The following DACH1 variants were observed in gnomAD, a reference collection of about 807,000 sequenced individuals.
The protein encoded by DACH1 is dachshund family transcription factor 1.
A neutral mutation model predicts 54.2 loss-of-function variants in DACH1; 12 were observed. The ratio of observed to expected loss-of-function variants is 0.22; its 90% CI spans 0.14 to 0.36. The LOEUF is 0.36. Ranked by LOEUF, DACH1 falls within the 10% of genes least tolerant of loss-of-function variation. The pLI, the probability that DACH1 is intolerant of heterozygous loss-of-function variation, is 1.00. For missense variants in DACH1, 805 were observed against 929.8 expected, an observed-to-expected ratio of 0.87 and a Z score of 1.75; for synonymous variants, 386 against 366.2, an observed-to-expected ratio of 1.05 and a Z score of -0.62.
At chr13:71,657,028 A>C (rs2138640990) in intron 2 of DACH1, among the ~76,000 whole-genome samples, 1 of 148,450 alleles carries the variant, frequency 6.7e-6, no homozygotes, top group South Asian at 2.1e-4. Context: ...ACACACACAT[A>C]TATATACATA....
At chr13:71,671,417 G>A (rs1361866553) in intron 2 of DACH1, among the ~76,000 whole-genome samples, 1 of 151,946 alleles carries the variant, frequency 6.6e-6, no homozygotes, top group Non-Finnish European at 1.5e-5. Flanking sequence ...CATCTCAAAA[G>A]TAATTTTAAG....
intron 1 of DACH1, among the ~76,000 whole-genome samples, chr13:71,743,444 A>C (rs534652294): frequency 6.6e-6 from 1 of 152,338 alleles, no homozygotes; most frequent in Admixed American, 6.5e-5. Flanking sequence ...ATTATTAAAG[A>C]CAAGGAGCCA....
intron 2 of DACH1, among the ~76,000 whole-genome samples, chr13:71,642,189 G>A (rs1276939304): frequency 1.3e-5 from 2 of 151,980 alleles, no homozygotes; most frequent in African/African-American, 2.4e-5. Context: ...AATTTATACC[G>A]TACCATGAGA....
At chr13:71,551,614 A>G in intron 6 of DACH1, among the ~76,000 whole-genome samples, 1 of 152,156 alleles carries the variant, frequency 6.6e-6, no homozygotes, top group East Asian at 1.9e-4. Context: ...ATGTTGCTGC[A>G]TTTTTGAAGA....
rs535654742 is a variant in DACH1, at chr13:71,551,342, T to C, written c.1570+5682A>G. ...TTGAAATTATCCTCTTCTAGGTATT[T>C]TGAAATATACAATAGATTGCTGTAA... is the stretch of plus-strand genomic sequence containing the variant. On this transcript the variant is annotated intron_variant, in intron 6 of 10. Transcript: ENST00000613252. 3.3e-5 allele frequency among the ~76,000 whole-genome samples: 5 copies of C among 152,254 alleles called. No homozygotes were observed. In the East Asian group the frequency reaches 9.7e-4, roughly 29 times the overall value.
intron 2 of DACH1, among the ~76,000 whole-genome samples, chr13:71,653,133 A>C (rs1211045409): frequency 6.6e-6 from 1 of 152,206 alleles, no homozygotes; most frequent in Non-Finnish European, 1.5e-5. Context: ...AATGCAGTTC[A>C]ACTTAATTTC....
chr13:71,766,269 T>C (rs1885625067), intron 1 of DACH1, among the ~76,000 whole-genome samples: 2 of 152,186 alleles, frequency 1.3e-5, no homozygotes, highest in African/African-American at 4.8e-5. Flanking sequence ...TCTCTTCAGG[T>C]TGTCACCTGT....
chr13:71,544,953 C>T (rs1381787068), intron 6 of DACH1, among the ~76,000 whole-genome samples: 1 of 152,016 alleles, frequency 6.6e-6, no homozygotes, highest in South Asian at 2.1e-4. Context: ...CTGGCTTCTA[C>T]TAAGCCCTAG....
chr13:71,826,181 C>T (rs1026419733), intron 1 of DACH1, among the ~76,000 whole-genome samples: 1 of 152,056 alleles, frequency 6.6e-6, no homozygotes, highest in Non-Finnish European at 1.5e-5. Flanking sequence ...CAAAATAAAA[C>T]ATATTTGCCA....
intron 1 of DACH1, among the ~76,000 whole-genome samples, chr13:71,757,321 G>C (rs1885206916): frequency 6.6e-6 from 1 of 152,044 alleles, no homozygotes; most frequent in Non-Finnish European, 1.5e-5. Flanking sequence ...GAAATAACTT[G>C]ATTTTTTTAA....
chr13:71,586,245 G>A (rs1016666157), intron 3 of DACH1, among the ~76,000 whole-genome samples: 1 of 152,130 alleles, frequency 6.6e-6, no homozygotes, highest in Non-Finnish European at 1.5e-5. Context: ...GGTAGATTCA[G>A]GTTAACAGAT....
intron 1 of DACH1, among the ~76,000 whole-genome samples, chr13:71,860,235 C>T (rs1392574606): frequency 6.6e-6 from 1 of 151,362 alleles, no homozygotes. Context: ...CACACACACA[C>T]ACACATGCAT....
intron 2 of DACH1, chr13:71,675,066 G>A (rs1256645484): frequency 4.1e-6 from 6 of 1,462,782 alleles, no homozygotes; most frequent in Non-Finnish European, 5.8e-6. Context: ...TCTGTACCAC[G>A]GCTCGTACAA....
At chr13:71,487,166 A>G (rs1878604393) in intron 7 of DACH1, among the ~76,000 whole-genome samples, 1 of 152,086 alleles carries the variant, frequency 6.6e-6, no homozygotes, top group Admixed American at 6.6e-5. Flanking sequence ...TTTATTTTTA[A>G]TAAAGCATTC....
intron 1 of DACH1, among the ~76,000 whole-genome samples, chr13:71,754,697 T>C (rs974441230): frequency 3.3e-5 from 5 of 151,554 alleles, no homozygotes; most frequent in African/African-American, 1.2e-4. Context: ...AATATTCCAT[T>C]AAAGATAAAT....
intron 3 of DACH1, among the ~76,000 whole-genome samples, chr13:71,608,935 C>T (rs1028083426): frequency 2.6e-5 from 4 of 151,970 alleles, no homozygotes; most frequent in African/African-American, 9.7e-5. Flanking sequence ...CATGGCATAA[C>T]TGAGGAAGAT....
At chr13:71,606,230 A>C (rs1239261341) in intron 3 of DACH1, among the ~76,000 whole-genome samples, 1 of 152,062 alleles carries the variant, frequency 6.6e-6, no homozygotes, top group Non-Finnish European at 1.5e-5. Context: ...GGAGAAACAG[A>C]ATAAAATTGA....
intron 10 of DACH1, among the ~76,000 whole-genome samples, chr13:71,443,665 G>A (rs1874202355): frequency 6.6e-6 from 1 of 152,088 alleles, no homozygotes; most frequent in South Asian, 2.1e-4. Context: ...GTAAAGACAT[G>A]CACAAACTGT....
intron 1 of DACH1, among the ~76,000 whole-genome samples, chr13:71,693,296 C>CTTTTTTTTTTTGTTTTTTTTT (rs1881620473): frequency 1.1e-5 from 1 of 90,962 alleles, no homozygotes; most frequent in Admixed American, 1.3e-4. Flanking sequence ...ATTTGTTTTG[C>CTTTTTTTTTTTGTTTTTTTTT]TTTTTTTTTT....
Sources: allele counts gnomAD v4.1 joint callset (sites outside exome capture counted in the v4.1 genomes callset), GRCh38; gene constraint gnomAD v4.1.1; transcripts MANE v1.5; gene names NCBI Gene and HGNC (gene_info 2026-07-23, HGNC 2026-07-21).